The following CLTC variants were observed in gnomAD, a reference collection of about 807,000 sequenced individuals.
The protein encoded by CLTC is clathrin heavy chain 1.
Under a neutral mutation model 195.8 loss-of-function variants are expected in CLTC, and 16 were observed. The observed-to-expected ratio is 0.08, with a 90% confidence interval of 0.06 to 0.12. The LOEUF is 0.12. Ranked by LOEUF, CLTC falls within the 10% of genes least tolerant of loss-of-function variation. CLTC has a pLI of 1.00. For synonymous variants in CLTC, 667 were observed against 689.4 expected, an observed-to-expected ratio of 0.97 and a Z score of 0.51; for missense variants, 796 against 2,027.0, an observed-to-expected ratio of 0.39 and a Z score of 11.66.
chr17:59,665,713 C>T (rs1408692656), intron 10 of CLTC, among the ~76,000 whole-genome samples: 1 of 151,930 alleles, frequency 6.6e-6, no homozygotes, highest in Non-Finnish European at 1.5e-5. Context: ...TGGTGGCAGA[C>T]GCCTGTAATC....
At chr17:59,657,971 G>C (rs1456739250) in intron 6 of CLTC, among the ~76,000 whole-genome samples, 1 of 151,836 alleles carries the variant, frequency 6.6e-6, no homozygotes, top group Non-Finnish European at 1.5e-5. Flanking sequence ...GGCTGAGGTG[G>C]GTGGATCACC....
chr17:59,645,976 G>GT, intron 2 of CLTC: 1 of 761,310 alleles, frequency 1.3e-6, no homozygotes, highest in Non-Finnish European at 1.6e-6. Flanking sequence ...TAATGTTATT[G>GT]TTATCTTATC....
Position 59,682,148 on chromosome 17 carries a change from G to T in CLTC, c.3443-123G>T. ...ATAATACAGAAGTGAAATATTGCACGGTTTACATTTGTCATTATCCATGTT... is the reference window on the plus strand; with the variant it reads ...ATAATACAGAAGTGAAATATTGCACTGTTTACATTTGTCATTATCCATGTT... On this transcript the variant is annotated intron_variant, in intron 21 of 31. Coordinates refer to ENST00000269122, the MANE Select transcript of CLTC (RefSeq NM_004859.4). This position sits in a 1 kb window ranked among gnomAD's most constrained non-coding sequence, Gnocchi z 6.8. The T allele has an allele frequency of 2.2e-6, 2 of 902,646 alleles. No homozygotes were observed. The highest frequency in any genetic ancestry group is 1.7e-6 in the Non-Finnish European group (1 of 599,642). 55.9% of individuals were successfully genotyped at this position (902,646 alleles called of 1,614,324 possible). A position where few individuals can be genotyped will look rare whatever the true frequency, so the allele number is the denominator to read the frequency against.
chr17:59,660,191 C>G (rs1461812464), intron 6 of CLTC, among the ~76,000 whole-genome samples, 200 bp from the exon 7 acceptor site: 1 of 152,220 alleles, frequency 6.6e-6, no homozygotes, highest in African/African-American at 2.4e-5. Flanking sequence ...GCCTAACACC[C>G]TATGACATTT....
chr17:59,679,329 AC>A, intron 17 of CLTC, 67 bp from the exon 18 acceptor site: 1 of 1,299,888 alleles, frequency 7.7e-7, no homozygotes. Context: ...GATAGGAAAT[AC>A]CCTCTAAAAT....
At chr17:59,680,427 C>T (rs1405350681) in intron 18 of CLTC, among the ~76,000 whole-genome samples, 1 of 152,000 alleles carries the variant, frequency 6.6e-6, no homozygotes, top group African/African-American at 2.4e-5. Flanking sequence ...ATTTTGGAAA[C>T]GAATAGGTTG....
intron 14 of CLTC, among the ~76,000 whole-genome samples, chr17:59,670,670 T>C (rs2032829211): frequency 1.3e-5 from 2 of 152,208 alleles, no homozygotes; most frequent in South Asian, 4.1e-4. Context: ...TTGAGTTATA[T>C]ATATATGGAA....
chr17:59,623,762 A>G (rs2031457922), intron 1 of CLTC, among the ~76,000 whole-genome samples: 1 of 152,196 alleles, frequency 6.6e-6, no homozygotes, highest in Non-Finnish European at 1.5e-5. Flanking sequence ...ATTGTCCAGT[A>G]GAACTTTCTT....
chr17:59,660,230 C>A (rs1325455342), intron 6 of CLTC, among the ~76,000 whole-genome samples, 161 bp from the exon 7 acceptor site: 1 of 151,966 alleles, frequency 6.6e-6, no homozygotes, highest in Non-Finnish European at 1.5e-5. Flanking sequence ...TTTTTTTTCT[C>A]CTTGTCTTCC....
intron 14 of CLTC, among the ~76,000 whole-genome samples, chr17:59,669,444 C>T (rs1199315970): frequency 6.6e-6 from 1 of 152,124 alleles, no homozygotes; most frequent in African/African-American, 2.4e-5. Context: ...TCAAACAAAA[C>T]GCTCAGCTTT....
chr17:59,693,924 A>G lies in CLTC; in HGVS notation c.*72A>G, dbSNP rs2033366629. On this transcript the variant is annotated 3_prime_UTR_variant, in exon 32 of 32. Transcript: ENST00000269122. ...GTCTTTACCCACTTCTCAGTTTATAATGGGGGAAAACAGGCAACGTGTTCT... is the reference window on the plus strand; with the variant it reads ...GTCTTTACCCACTTCTCAGTTTATAGTGGGGGAAAACAGGCAACGTGTTCT... 2 of 1,436,266 alleles carry G rather than the reference A, an allele frequency of 1.4e-6. No individual in the cohort carries two copies. The highest frequency in any genetic ancestry group is 1.5e-5 in the African/African-American group (1 of 68,832). 89.0% of individuals were successfully genotyped at this position (1,436,266 alleles called of 1,614,324 possible). A position where few individuals can be genotyped will look rare whatever the true frequency, so the allele number is the denominator to read the frequency against.
chr17:59,681,586 T>G lies in CLTC; in HGVS notation c.3250-61T>G. On this transcript the variant is annotated intron_variant, in intron 20 of 31. Coordinates refer to ENST00000269122, the MANE Select transcript of CLTC (RefSeq NM_004859.4). This position sits in a 1 kb window ranked among gnomAD's most constrained non-coding sequence, Gnocchi z 5.0. The stretch of plus-strand genomic sequence containing the variant: ...AGCAATAAAATACTAACAGCTTAAA[T>G]GTAATTGCTTTGGGTAGGATTGATT... 6.3e-7 allele frequency: 1 copy of G among 1,575,540 alleles called. No individual in the cohort carries two copies. The highest frequency in any genetic ancestry group is 8.7e-7 in the Non-Finnish European group (1 of 1,154,112).
At chr17:59,667,020 A>G (rs1383261054) in intron 13 of CLTC, 43 bp downstream of exon 13, 1 of 1,498,298 alleles carries the variant, frequency 6.7e-7, no homozygotes, top group Non-Finnish European at 9.2e-7. Flanking sequence ...TACTTAAGGT[A>G]GCCAAGAAGA....
In CLTC at chr17:59,644,132, T is replaced by G. The variant is rs78234068; in HGVS notation, c.43-144T>G. 1.1e-5 allele frequency: 7 copies of G among 647,398 alleles called. No homozygotes were observed. In the African/African-American group the frequency reaches 1.1e-4, roughly 10 times the overall value. The allele number at this position is 647,398 out of a possible 1,614,324, so 40.1% of individuals were successfully genotyped here. A position where few individuals can be genotyped will look rare whatever the true frequency, so the allele number is the denominator to read the frequency against. On this transcript the variant is annotated intron_variant, in intron 1 of 31. Transcript: ENST00000269122. ...AGAAGGTCCAATACTTGGCTATTAA[T>G]AGTCTCTCTTTAATTAACATAATGT...
chr17:59,640,055 GT>G (rs2031984791), intron 1 of CLTC, among the ~76,000 whole-genome samples: 1 of 152,152 alleles, frequency 6.6e-6, no homozygotes, highest in African/African-American at 2.4e-5. Flanking sequence ...ACTATGTGCT[GT>G]TTTGAAAATA....
chr17:59,665,273 T>C (rs1567957367), intron 10 of CLTC, among the ~76,000 whole-genome samples: 1 of 151,812 alleles, frequency 6.6e-6, no homozygotes, highest in Non-Finnish European at 1.5e-5. Flanking sequence ...TAAAGCTTTG[T>C]CACTCTATAT....
intron 8 of CLTC, among the ~76,000 whole-genome samples, chr17:59,663,085 TGTTCA>T (rs1178873327): frequency 6.6e-6 from 1 of 152,230 alleles, no homozygotes; most frequent in Non-Finnish European, 1.5e-5. Context: ...TTCATTAGCA[TGTTCA>T]GTTAAGATTA....
chr17:59,687,822 A>G (rs2033216992), intron 30 of CLTC, among the ~76,000 whole-genome samples: 1 of 152,212 alleles, frequency 6.6e-6, no homozygotes, highest in Non-Finnish European at 1.5e-5. Flanking sequence ...AGGATGTCAA[A>G]TTCAGGCACC....
At chr17:59,684,749 A>G (rs1233167868) in intron 28 of CLTC, among the ~76,000 whole-genome samples, 1 of 147,170 alleles carries the variant, frequency 6.8e-6, no homozygotes, top group Non-Finnish European at 1.5e-5. Flanking sequence ...GGTTGCAGTG[A>G]GCCCAGATTG....
Sources: gnomAD v4.1 joint callset for allele counts (sites outside exome capture counted in the v4.1 genomes callset) on GRCh38, gnomAD v4.1.1 for gene constraint, Gnocchi (gnomAD v3.1) non-coding constraint, MANE v1.5 for transcripts, NCBI Gene and HGNC (gene_info 2026-07-23, HGNC 2026-07-21) for gene names.